ADAMTS6: variants seen among roughly 807,000 people sequenced by gnomAD.
The protein encoded by ADAMTS6 is A disintegrin and metalloproteinase with thrombospondin motifs 6.
Under a neutral mutation model 144.3 loss-of-function variants are expected in ADAMTS6, and 23 were observed. The ratio of observed to expected loss-of-function variants is 0.16; its 90% CI spans 0.11 to 0.23. The LOEUF (loss-of-function observed/expected upper bound fraction) is 0.23, where lower values mean the gene tolerates loss of function less well. Ranked by LOEUF, ADAMTS6 falls within the 10% of genes least tolerant of loss-of-function variation. ADAMTS6 has a pLI of 1.00. For synonymous variants in ADAMTS6, 444 were observed against 457.5 expected (o/e 0.97, Z 0.38); for missense variants, 999 against 1,379.6 (o/e 0.72, Z 4.37).
intron 14 of ADAMTS6, among the ~76,000 whole-genome samples, chr5:65,254,295 C>T (rs1040507483): frequency 1.3e-5 from 2 of 151,960 alleles, no homozygotes; most frequent in African/African-American, 2.4e-5. Flanking sequence ...AATCTCTTTC[C>T]GCAAAATTGC....
chr5:65,405,139 CTTTAG>C (rs1754330161), intron 7 of ADAMTS6, among the ~76,000 whole-genome samples: 1 of 152,170 alleles, frequency 6.6e-6, no homozygotes, highest in Non-Finnish European at 1.5e-5. Context: ...TGCAGAAGCT[CTTTAG>C]TTTAATTAGA....
chr5:65,291,425 G>A lies in ADAMTS6; in HGVS notation c.1416C>T (p.Asp472=), dbSNP rs1202687965. The A allele has an allele frequency of 6.8e-6, 11 of 1,613,832 alleles. No homozygotes were observed. Among genetic ancestry groups the A allele is most frequent in the Non-Finnish European group, 9.3e-6 (11 of 1,179,928 alleles). ...CTGGGGCCACAGCTGGATAAAGAAA[G>A]TCACGCTTGGGAGGCTCATTATCAA... is the stretch of plus-strand genomic sequence containing the variant. ...TCLDNEPPKR[D]FLYPAVAPGQ... is the part of the protein sequence containing the mutation. The change falls in exon 11 of 25, where the codon GAC becomes GAT. Residue 472 remains aspartate (D), a synonymous_variant. Transcript: ENST00000381055.
chr5:65,205,713 G>T (rs1320710708), intron 20 of ADAMTS6, among the ~76,000 whole-genome samples: 2 of 152,178 alleles, frequency 1.3e-5, no homozygotes. Flanking sequence ...ATTAATAAAT[G>T]CAATAGTATA....
intron 20 of ADAMTS6, among the ~76,000 whole-genome samples, chr5:65,200,923 G>A (rs1236780267): frequency 6.6e-6 from 1 of 152,048 alleles, no homozygotes; most frequent in African/African-American, 2.4e-5. Context: ...CCTTACCACA[G>A]AAATGTAACC....
chr5:65,228,078 G>A (rs1757857613), intron 15 of ADAMTS6, among the ~76,000 whole-genome samples: 1 of 151,988 alleles, frequency 6.6e-6, no homozygotes, highest in Non-Finnish European at 1.5e-5. Context: ...TTCCCAAACT[G>A]ATAATAAAAC....
intron 1 of ADAMTS6, among the ~76,000 whole-genome samples, chr5:65,478,644 C>G (rs1055250209): frequency 6.6e-6 from 1 of 151,130 alleles, no homozygotes; most frequent in African/African-American, 2.5e-5. Context: ...TCATGTTCCT[C>G]TTTCCCTCAA....
intron 21 of ADAMTS6, among the ~76,000 whole-genome samples, chr5:65,190,853 C>T (rs1754975499): frequency 6.6e-6 from 1 of 152,148 alleles, no homozygotes; most frequent in Non-Finnish European, 1.5e-5. Flanking sequence ...TCCCATGTCT[C>T]TCTGAAGGAT....
intron 7 of ADAMTS6, among the ~76,000 whole-genome samples, chr5:65,335,826 C>T (rs1486479736): frequency 6.6e-6 from 1 of 151,756 alleles, no homozygotes; most frequent in Non-Finnish European, 1.5e-5. Flanking sequence ...ATTGCCATAA[C>T]CTACTTAAAA....
chr5:65,248,915 T>A (rs1198181816), intron 14 of ADAMTS6, among the ~76,000 whole-genome samples: 1 of 152,110 alleles, frequency 6.6e-6, no homozygotes, highest in African/African-American at 2.4e-5. Context: ...ATAAATACAA[T>A]ATACCATAAA....
intron 12 of ADAMTS6, among the ~76,000 whole-genome samples, chr5:65,266,468 C>G (rs1761637836): frequency 6.6e-6 from 1 of 151,874 alleles, no homozygotes; most frequent in Admixed American, 6.6e-5. Context: ...AGTCACCTAG[C>G]AGTTGACAAG....
chr5:65,354,533 T>C (rs1749148017), intron 7 of ADAMTS6, among the ~76,000 whole-genome samples: 1 of 151,844 alleles, frequency 6.6e-6, no homozygotes, highest in Non-Finnish European at 1.5e-5. Context: ...TATGAGTAAA[T>C]GTTTGTAAGC....
intron 7 of ADAMTS6, among the ~76,000 whole-genome samples, chr5:65,360,782 AAT>A (rs1749755039): frequency 6.6e-6 from 1 of 152,210 alleles, no homozygotes; most frequent in African/African-American, 2.4e-5. Flanking sequence ...AAAAAGAGTG[AAT>A]GTTATAAGAG....
At chr5:65,381,402 G>A (rs904844967) in intron 7 of ADAMTS6, among the ~76,000 whole-genome samples, 3 of 149,744 alleles carry the variant, frequency 2.0e-5, no homozygotes, top group South Asian at 2.1e-4. Flanking sequence ...TCACTCTGTC[G>A]CCCAGGCTGG....
intron 15 of ADAMTS6, among the ~76,000 whole-genome samples, chr5:65,229,138 A>G (rs1260348882): frequency 6.6e-6 from 1 of 152,172 alleles, no homozygotes; most frequent in Non-Finnish European, 1.5e-5. Context: ...CATTTAGGGA[A>G]CCACCCTAGA....
At chr5:65,283,653 T>C (rs902152214) in intron 11 of ADAMTS6, among the ~76,000 whole-genome samples, 1 of 152,144 alleles carries the variant, frequency 6.6e-6, no homozygotes, top group Non-Finnish European at 1.5e-5. Context: ...CTAAAATAAT[T>C]ACACACCTTT....
At chr5:65,299,307 C>T (rs1001695147) in intron 10 of ADAMTS6, among the ~76,000 whole-genome samples, 4 of 152,072 alleles carry the variant, frequency 2.6e-5, no homozygotes, top group East Asian at 1.9e-4. Context: ...TTAAGGAACA[C>T]GCACTTAGAA....
intron 20 of ADAMTS6, among the ~76,000 whole-genome samples, chr5:65,206,263 G>GT (rs1756076048): frequency 6.6e-6 from 1 of 152,164 alleles, no homozygotes; most frequent in Non-Finnish European, 1.5e-5. Context: ...TTTGTATGCT[G>GT]TAAGATCAAT....
intron 14 of ADAMTS6, among the ~76,000 whole-genome samples, chr5:65,259,966 T>C (rs1356839162): frequency 6.6e-6 from 1 of 152,118 alleles, no homozygotes. Flanking sequence ...TCAATCCACT[T>C]TGAGGCTCAG....
intron 12 of ADAMTS6, among the ~76,000 whole-genome samples, chr5:65,268,023 C>G (rs1401669453): frequency 2.0e-5 from 3 of 152,196 alleles, no homozygotes; most frequent in Non-Finnish European, 4.4e-5. Context: ...TCTTTCTTCA[C>G]TTCCTGTGTT....
Sources: allele counts gnomAD v4.1 joint callset (sites outside exome capture counted in the v4.1 genomes callset), GRCh38; gene constraint gnomAD v4.1.1; transcripts MANE v1.5; gene names NCBI Gene and HGNC (gene_info 2026-07-23, HGNC 2026-07-21).